Variants in SLC35F4 observed in about 807,000 individuals in gnomAD.
The protein encoded by SLC35F4 is chromosome 14 open reading frame 36.
SLC35F4 carries 24 observed loss-of-function variants against 44.2 expected under a neutral mutation model. The ratio of observed to expected loss-of-function variants is 0.54; its 90% CI spans 0.39 to 0.76. The LOEUF is 0.76. Ranked by LOEUF, SLC35F4 falls within the 30% of genes least tolerant of loss-of-function variation. The probability of loss-of-function intolerance (pLI) is 0.00; values close to 1 mark genes in which losing one functional copy is unlikely to be tolerated. For synonymous variants in SLC35F4, 238 were observed against 223.6 expected, an observed-to-expected ratio of 1.06 and a Z score of -0.57; for missense variants, 562 against 586.1, an observed-to-expected ratio of 0.96 and a Z score of 0.42.
intron 1 of SLC35F4, among the ~76,000 whole-genome samples, chr14:57,874,979 A>C (rs1888369480): frequency 1.3e-5 from 2 of 150,762 alleles, no homozygotes; most frequent in South Asian, 4.1e-4. Context: ...GGAATAAATA[A>C]ATAAATAAAT....
At chr14:57,760,392 CTG>C (rs2077096755) in intron 1 of SLC35F4, among the ~76,000 whole-genome samples, 1 of 152,112 alleles carries the variant, frequency 6.6e-6, no homozygotes, top group African/African-American at 2.4e-5. Context: ...GTCTAAATGT[CTG>C]TTTTTATGCC....
chr14:57,741,768 A>G (rs1481871490), intron 1 of SLC35F4, among the ~76,000 whole-genome samples: 1 of 152,192 alleles, frequency 6.6e-6, no homozygotes, highest in Non-Finnish European at 1.5e-5. Context: ...AAGGCACATA[A>G]TTGTCAGATT....
chr14:57,808,107 A>G (rs1483541280), intron 1 of SLC35F4, among the ~76,000 whole-genome samples: 1 of 151,888 alleles, frequency 6.6e-6, no homozygotes, highest in Non-Finnish European at 1.5e-5. Context: ...GGGAACTACA[A>G]TTCAAGGTGA....
At chr14:57,725,195 G>A (rs1271853171) in intron 1 of SLC35F4, among the ~76,000 whole-genome samples, 1 of 152,172 alleles carries the variant, frequency 6.6e-6, no homozygotes, top group African/African-American at 2.4e-5. Context: ...ATCACCCAAT[G>A]GGCCCATGAA....
intron 1 of SLC35F4, among the ~76,000 whole-genome samples, chr14:57,877,068 G>A (rs192452423): frequency 1.3e-4 from 19 of 151,886 alleles, no homozygotes; most frequent in African/African-American, 3.4e-4. Flanking sequence ...GGTAAACTGC[G>A]TGTCACACGG....
chr14:57,578,266 C>CT (rs1301543105), intron 4 of SLC35F4, among the ~76,000 whole-genome samples: 1 of 138,376 alleles, frequency 7.2e-6, no homozygotes, highest in Non-Finnish European at 1.5e-5. Flanking sequence ...ACTACTGATG[C>CT]TTTAGCATGA....
At chr14:57,923,144 GT>G (rs909440439) in intron 1 of SLC35F4, among the ~76,000 whole-genome samples, 1 of 151,952 alleles carries the variant, frequency 6.6e-6, no homozygotes, top group African/African-American at 2.4e-5. Context: ...AGAATTCAAG[GT>G]TTTTTTTAAC....
At chr14:57,734,512 T>G (rs1358406551) in intron 1 of SLC35F4, among the ~76,000 whole-genome samples, 1 of 151,978 alleles carries the variant, frequency 6.6e-6, no homozygotes, top group Non-Finnish European at 1.5e-5. Flanking sequence ...ACTGGCAGAG[T>G]TTTCCCCATG....
intron 5 of SLC35F4, among the ~76,000 whole-genome samples, chr14:57,571,470 C>G (rs924366319): frequency 6.6e-6 from 1 of 152,118 alleles, no homozygotes; most frequent in Non-Finnish European, 1.5e-5. Flanking sequence ...AAATAATGAC[C>G]ATAGATAATT....
chr14:57,627,527 T>C (rs1594632777), intron 1 of SLC35F4, among the ~76,000 whole-genome samples: 1 of 152,134 alleles, frequency 6.6e-6, no homozygotes, highest in East Asian at 1.9e-4. Flanking sequence ...AAAGAAGCAT[T>C]ATTTAGCTAA....
At chr14:57,874,170 C>T (rs1667746443) in intron 1 of SLC35F4, among the ~76,000 whole-genome samples, 1 of 152,166 alleles carries the variant, frequency 6.6e-6, no homozygotes, top group Admixed American at 6.6e-5. Context: ...CCTCCCTCAG[C>T]TGTTTCAAAA....
chr14:57,975,155 G>T (rs1021061057), downstream of SLC35F4, among the ~76,000 whole-genome samples: 7 of 152,190 alleles, frequency 4.6e-5, no homozygotes, highest in African/African-American at 1.4e-4. Flanking sequence ...TCATTGAGGT[G>T]ACTATTTGGT....
intron 1 of SLC35F4, among the ~76,000 whole-genome samples, chr14:57,681,876 CAATAAACA>C (rs1322512766): frequency 3.3e-5 from 5 of 151,238 alleles, no homozygotes; most frequent in Non-Finnish European, 5.9e-5. Context: ...TTTATGTGGC[CAATAAACA>C]TAGGAAAAAA....
At chr14:57,737,322 C>T (rs779053535) in intron 1 of SLC35F4, among the ~76,000 whole-genome samples, 56 of 152,106 alleles carry the variant, frequency 3.7e-4, no homozygotes, top group Middle Eastern at 3.4e-3. Context: ...TCTTTTCCTC[C>T]AATCTACTCC....
chr14:57,882,779 A>T (rs1367051503), intron 1 of SLC35F4, among the ~76,000 whole-genome samples: 2 of 152,122 alleles, frequency 1.3e-5, no homozygotes, highest in Non-Finnish European at 2.9e-5. Flanking sequence ...TAAGAATGTG[A>T]CAGATTAATT....
At chr14:57,907,359 G>T (rs1489802678) in intron 1 of SLC35F4, among the ~76,000 whole-genome samples, 5 of 152,122 alleles carry the variant, frequency 3.3e-5, no homozygotes, top group Non-Finnish European at 4.4e-5. Flanking sequence ...TGACTTTGTT[G>T]TGGTGGTCTG....
At chr14:57,955,614 G>T (rs939734695) in intron 1 of SLC35F4, among the ~76,000 whole-genome samples, 1 of 152,118 alleles carries the variant, frequency 6.6e-6, no homozygotes, top group Admixed American at 6.5e-5. Flanking sequence ...AAATCAATGT[G>T]CAAAAATCAC....
In SLC35F4 at chr14:57,754,337, T is replaced by C. The variant is rs554334055; in HGVS notation, c.103+111386A>G. Among the ~76,000 whole-genome samples the C allele has an allele frequency of 2.0e-5, 3 of 152,202 alleles. No homozygotes were observed. The East Asian group carries it at 5.8e-4, about 29-fold the overall frequency. Reference sequence around the variant, plus strand: ...CCAGTCTGGTCTCGAACTCCTGACCTCAGGTGATCCATCCACCTTGGCCTC... The same window carrying C: ...CCAGTCTGGTCTCGAACTCCTGACCCCAGGTGATCCATCCACCTTGGCCTC... On this transcript the variant is annotated intron_variant, in intron 1 of 7. Transcript: ENST00000556826.
chr14:57,791,711 A>T (rs1055644374), intron 1 of SLC35F4, among the ~76,000 whole-genome samples: 2 of 152,242 alleles, frequency 1.3e-5, no homozygotes, highest in East Asian at 3.8e-4. Context: ...CTTGGAACCA[A>T]CCCAAATGCC....
Sources: allele counts gnomAD v4.1 joint callset (sites outside exome capture counted in the v4.1 genomes callset), GRCh38; gene constraint gnomAD v4.1.1; transcripts MANE v1.5; gene names NCBI Gene and HGNC (gene_info 2026-07-23, HGNC 2026-07-21).